Variants in RIMS1 observed in about 807,000 individuals in gnomAD.
The protein encoded by RIMS1 is regulating synaptic membrane exocytosis protein 1.
Under a neutral mutation model 214.1 loss-of-function variants are expected in RIMS1, and 83 were observed. That is an observed-to-expected ratio of 0.39 (90% CI 0.32 to 0.47). RIMS1 has a LOEUF of 0.47. Among genes scored for constraint, RIMS1 ranks in the 20% least tolerant of loss-of-function variants. The pLI, the probability that RIMS1 is intolerant of heterozygous loss-of-function variation, is 0.99. For missense variants in RIMS1, 2,050 were observed against 2,161.8 expected, an observed-to-expected ratio of 0.95 and a Z score of 1.03; for synonymous variants, 793 against 786.8, an observed-to-expected ratio of 1.01 and a Z score of -0.13.
At chr6:72,164,295 TTTC>T (rs1185753336) in intron 4 of RIMS1, among the ~76,000 whole-genome samples, 8 of 152,138 alleles carry the variant, frequency 5.3e-5, no homozygotes, top group African/African-American at 1.7e-4. Context: ...CTGTCACCCC[TTTC>T]TTTGACTAGG....
intron 2 of RIMS1, among the ~76,000 whole-genome samples, chr6:72,024,397 A>G (rs1413114769): frequency 6.6e-6 from 1 of 152,164 alleles, no homozygotes; most frequent in African/African-American, 2.4e-5. Context: ...TAGTCTCTTC[A>G]TTTGTGAAAT....
intron 1 of RIMS1, among the ~76,000 whole-genome samples, chr6:71,925,918 A>G (rs973595137): frequency 6.6e-6 from 1 of 152,218 alleles, no homozygotes; most frequent in Non-Finnish European, 1.5e-5. Context: ...TGAAATATAC[A>G]TGAAGAAAAG....
At chr6:72,122,062 T>C (rs897525649) in intron 4 of RIMS1, among the ~76,000 whole-genome samples, 2 of 151,888 alleles carry the variant, frequency 1.3e-5, no homozygotes, top group African/African-American at 4.8e-5. Context: ...TGCCAGTATT[T>C]TATTGAGGAA....
intron 4 of RIMS1, among the ~76,000 whole-genome samples, chr6:72,172,947 C>T (rs1231663443): frequency 6.6e-6 from 1 of 152,148 alleles, no homozygotes; most frequent in African/African-American, 2.4e-5. Flanking sequence ...CTTCCCTTAA[C>T]ATTTGCTCTT....
chr6:71,902,417 A>G (rs949330420), intron 1 of RIMS1, among the ~76,000 whole-genome samples: 7 of 152,126 alleles, frequency 4.6e-5, no homozygotes, highest in African/African-American at 1.7e-4. Context: ...GCATGCAGAT[A>G]AGAGAGGCTT....
intron 4 of RIMS1, among the ~76,000 whole-genome samples, chr6:72,131,262 T>A (rs999055652): frequency 9.2e-5 from 14 of 152,300 alleles, no homozygotes; most frequent in Non-Finnish European, 1.8e-4. Flanking sequence ...AGGAGTATGA[T>A]GACCTAACAA....
At chr6:72,250,088 A>G (rs1023754068) in intron 12 of RIMS1, among the ~76,000 whole-genome samples, 3 of 152,160 alleles carry the variant, frequency 2.0e-5, no homozygotes, top group Admixed American at 6.5e-5. Context: ...ATAAAATGAT[A>G]TGTGAGAATA....
At chr6:72,302,245 G>T (rs1233030520) in intron 26 of RIMS1, among the ~76,000 whole-genome samples, 1 of 151,400 alleles carries the variant, frequency 6.6e-6, no homozygotes, top group African/African-American at 2.4e-5. Flanking sequence ...TTGATTCCAG[G>T]TATATGCAGA....
chr6:72,154,777 A>G lies in RIMS1; in HGVS notation c.472-24798A>G, dbSNP rs1431320928. ...GTGGTACAGCTCAGTGCTAAGAGAG[A>G]CTTTTGGCCCACTATTTATCCCATG... is the stretch of plus-strand genomic sequence containing the variant. On this transcript the variant is annotated intron_variant, in intron 4 of 33. Transcript: ENST00000521978. 1.4e-5 allele frequency among the ~76,000 whole-genome samples: 2 copies of G among 140,434 alleles called. 1 individual carries two copies. Among genetic ancestry groups the G allele is most frequent in the Non-Finnish European group, 3.2e-5 (2 of 61,762 alleles). The allele number at this position is 140,434 out of a possible 152,430, so 92.1% of individuals were successfully genotyped here.
At chr6:72,389,636 A>T (rs956683037) in intron 29 of RIMS1, among the ~76,000 whole-genome samples, 57 of 152,216 alleles carry the variant, frequency 3.7e-4, no homozygotes, top group African/African-American at 1.4e-3. Flanking sequence ...AATTATGTAT[A>T]TAGAGCATTT....
chr6:72,394,617 G>A (rs1028596907), intron 31 of RIMS1, among the ~76,000 whole-genome samples: 1 of 151,994 alleles, frequency 6.6e-6, no homozygotes, highest in Non-Finnish European at 1.5e-5. Context: ...AATAATTTTT[G>A]GAAGACAAGA....
In RIMS1 at chr6:72,265,458, G is replaced by A. The variant is rs555990552; in HGVS notation, c.3263G>A (p.Cys1088Tyr). The change falls in exon 21 of 34, where the codon TGC (cysteine) becomes TAC (tyrosine). Residue 1088 changes from cysteine to tyrosine, a missense_variant. By Grantham distance (194) the Cys-to-Tyr change is radical. This residue lies in a region of RIMS1 where 889 missense variants were observed against 885.5 expected (regional missense o/e 1.00). Coordinates refer to ENST00000521978, the MANE Select transcript of RIMS1 (RefSeq NM_014989.7). ...CAGGACATTTCCCTTCATCATGAAT[G>A]CTTTAACTCAACAGTATTGAGATTT... ...TRQDISLHHE[C>Y]FNSTVLRFTD... The A allele has an allele frequency of 2.2e-5, 35 of 1,608,938 alleles. No homozygotes were observed. The East Asian group carries it at 7.4e-4, about 34-fold the overall frequency.
intron 2 of RIMS1, among the ~76,000 whole-genome samples, chr6:72,045,787 T>C (rs1299967387): frequency 2.0e-5 from 3 of 151,802 alleles, no homozygotes; most frequent in Admixed American, 6.6e-5. Context: ...TTATTGGCCA[T>C]TTATAATGTT....
chr6:72,010,812 C>T (rs546194719), intron 2 of RIMS1, among the ~76,000 whole-genome samples: 3 of 152,102 alleles, frequency 2.0e-5, no homozygotes, highest in African/African-American at 7.2e-5. Context: ...CAAACCACTG[C>T]TCAATGAAAT....
chr6:71,961,819 T>A (rs764992384), intron 1 of RIMS1, among the ~76,000 whole-genome samples: 2 of 152,166 alleles, frequency 1.3e-5, no homozygotes, highest in African/African-American at 2.4e-5. Context: ...ATTTCTGGCA[T>A]TCTAAGTTTT....
In RIMS1 at chr6:71,887,044, C is replaced by T; in HGVS notation, c.21C>T (p.Pro7=). The T allele has an allele frequency of 1.9e-6, 3 of 1,613,358 alleles. No individual in the cohort carries two copies. The highest frequency in any genetic ancestry group is 2.5e-6 in the Non-Finnish European group (3 of 1,179,664). ...CGAAAATGTCCTCGGCCGTGGGGCC[C>T]CGCGGTCCTCGCCCACCCACGGTGC... MSSAVG[P]RGPRPPTVPP... is the part of the protein sequence containing the mutation. Residue 7 remains proline, a synonymous_variant, in exon 1 of 34, where the codon CCC becomes CCT. Transcript: ENST00000521978.
intron 2 of RIMS1, among the ~76,000 whole-genome samples, chr6:72,012,566 G>GA (rs1298921049): frequency 5.9e-5 from 9 of 151,870 alleles, no homozygotes; most frequent in South Asian, 2.1e-4. Context: ...GAGCTTGTGG[G>GA]AAAAAAAAGC....
Position 72,182,554 on chromosome 6 carries a change from A to C in RIMS1, c.1083A>C (p.Leu361=). The C allele has an allele frequency of 6.4e-7, 1 of 1,552,564 alleles. No homozygotes were observed. The highest frequency in any genetic ancestry group is 8.7e-7 in the Non-Finnish European group (1 of 1,148,806). ...YQTRYRSDPN[L]ARYPVKPPPE... Reference sequence around the variant, plus strand: ...CCAGGTACCGCAGCGACCCGAACCTAGCTCGGTACCCGGTGAAACCGCCGC... The same window carrying C: ...CCAGGTACCGCAGCGACCCGAACCTCGCTCGGTACCCGGTGAAACCGCCGC... Residue 361 remains leucine (L), a synonymous_variant, in exon 6 of 34, where the codon CTA becomes CTC. Transcript: ENST00000521978.
chr6:71,993,483 G>A (rs565382485), intron 2 of RIMS1, among the ~76,000 whole-genome samples: 1 of 152,268 alleles, frequency 6.6e-6, no homozygotes, highest in Admixed American at 6.5e-5. Flanking sequence ...TATTTTTGGT[G>A]TGATTGGCAT....
Sources: allele counts gnomAD v4.1 joint callset (sites outside exome capture counted in the v4.1 genomes callset), GRCh38; gene constraint gnomAD v4.1.1; regional missense constraint gnomAD v4.1.1; transcripts MANE v1.5; gene names NCBI Gene and HGNC (gene_info 2026-07-23, HGNC 2026-07-21).